ARHGEF10: variants seen among roughly 807,000 people sequenced by gnomAD.
The protein encoded by ARHGEF10 is Rho guanine nucleotide exchange factor (GEF) 10.
A neutral mutation model predicts 147.4 loss-of-function variants in ARHGEF10; 140 were observed. The observed-to-expected ratio is 0.95, with a 90% CI of 0.83 to 1.09. The LOEUF (loss-of-function observed/expected upper bound fraction) is 1.09, where lower values mean the gene tolerates loss of function less well. Ranked by LOEUF, ARHGEF10 falls within the 50% of genes least tolerant of loss-of-function variation. ARHGEF10 has a pLI of 0.00. For synonymous variants in ARHGEF10, 902 were observed against 695.8 expected, an observed-to-expected ratio of 1.30 and a Z score of -4.67; for missense variants, 2,222 against 1,752.7, an observed-to-expected ratio of 1.27 and a Z score of -4.78.
chr8:1,955,022 GGT>G (rs1563338663), intron 28 of ARHGEF10, among the ~76,000 whole-genome samples: 12 of 142,254 alleles, frequency 8.4e-5, no homozygotes, highest in Non-Finnish European at 1.5e-4. Flanking sequence ...CCTGAAAGGA[GGT>G]GCACTCTCAC....
chr8:1,850,134 CTGAGGAGGGTGTGGGG>C (rs1804966885), intron 2 of ARHGEF10, among the ~76,000 whole-genome samples: 1 of 136,696 alleles, frequency 7.3e-6, no homozygotes, highest in African/African-American at 2.7e-5. Context: ...AGGGCAAATG[CTGAGGAGGGTGTGGGG>C]CGGCCACGTG....
chr8:1,864,437 G>C lies in ARHGEF10; in HGVS notation c.545+1G>C. ...TGAGTTCCGAGGAGCCTCCAACCAG[G>C]TATCTGCATCCGTCTTCCCACACCT... On this transcript the variant is annotated splice_donor_variant, in intron 5 of 28. Transcript: ENST00000349830. LOFTEE classifies it high-confidence loss of function. The C allele has an allele frequency of 6.2e-7, 1 of 1,613,740 alleles. No homozygotes were observed. Among genetic ancestry groups the C allele is most frequent in the Non-Finnish European group, 8.5e-7 (1 of 1,179,670 alleles).
chr8:1,916,972 TG>T (rs1447023220), intron 18 of ARHGEF10, among the ~76,000 whole-genome samples: 1 of 152,258 alleles, frequency 6.6e-6, no homozygotes, highest in Non-Finnish European at 1.5e-5. Context: ...TATTATAGGC[TG>T]ACCATTTTCT....
At chr8:1,824,810 CCCCCTGCACCCCACCTG>C (rs1802645175) in intron 1 of ARHGEF10, among the ~76,000 whole-genome samples, 1 of 26,816 alleles carries the variant, frequency 3.7e-5, no homozygotes, top group Non-Finnish European at 6.6e-5. Context: ...CCCACCTGTT[CCCCCTGCACCCCACCTG>C]TCTTCCCCAC....
chr8:1,875,693 G>C (rs780153602), intron 7 of ARHGEF10, among the ~76,000 whole-genome samples: 2 of 152,212 alleles, frequency 1.3e-5, no homozygotes, highest in Non-Finnish European at 2.9e-5. Flanking sequence ...TACAAGGATA[G>C]GGTAATTTGA....
intron 1 of ARHGEF10, among the ~76,000 whole-genome samples, chr8:1,838,735 G>T (rs2129045340): frequency 6.6e-6 from 1 of 152,192 alleles, no homozygotes; most frequent in East Asian, 1.9e-4. Flanking sequence ...CCACCGTGGG[G>T]ACTGTGCAGC....
At chr8:1,844,465 T>TCCCTGGGGCCTGGTGGACGACAGAGACAG (rs1329433075) in intron 2 of ARHGEF10, among the ~76,000 whole-genome samples, 5 of 151,356 alleles carry the variant, frequency 3.3e-5, no homozygotes, top group Non-Finnish European at 5.9e-5. Flanking sequence ...AATCCAGGGG[T>TCCCTGGGGCCTGGTGGACGACAGAGACAG]GAGCAGTGGC....
intron 8 of ARHGEF10, among the ~76,000 whole-genome samples, 169 bp downstream of exon 8, chr8:1,876,903 C>T (rs1008339124): frequency 6.6e-6 from 1 of 152,236 alleles, no homozygotes; most frequent in African/African-American, 2.4e-5. Flanking sequence ...TGTCTTGTTT[C>T]ATATAGTTAA....
chr8:1,911,233 G>A (rs1030710281), intron 18 of ARHGEF10, among the ~76,000 whole-genome samples: 3 of 152,132 alleles, frequency 2.0e-5, no homozygotes, highest in Middle Eastern at 3.2e-3. Flanking sequence ...TCCAGTTAAG[G>A]GGACTTTGAA....
intron 26 of ARHGEF10, among the ~76,000 whole-genome samples, chr8:1,938,830 A>C (rs1469208155): frequency 6.6e-6 from 1 of 152,066 alleles, no homozygotes; most frequent in African/African-American, 2.4e-5. Flanking sequence ...ATCCCCGAAC[A>C]CTGTGGAATC....
chr8:1,941,458 ATACC>A (rs1242813978), intron 26 of ARHGEF10, among the ~76,000 whole-genome samples: 1 of 152,268 alleles, frequency 6.6e-6, no homozygotes, highest in Non-Finnish European at 1.5e-5. Flanking sequence ...AAATTAAAGA[ATACC>A]TAAATAAATG....
chr8:1,905,728 A>G lies in ARHGEF10; in HGVS notation c.1967+12A>G. The G allele has an allele frequency of 6.2e-7, 1 of 1,612,838 alleles. No individual in the cohort carries two copies. The highest frequency in any genetic ancestry group is 8.5e-7 in the Non-Finnish European group (1 of 1,180,020). On this transcript the variant is annotated intron_variant, in intron 17 of 28. Transcript: ENST00000349830. ...ACCGTCAGCTCACGGTAAGTGCATA[A>G]ATTCTCTATAGTAGTCCTACCATCA... is the stretch of plus-strand genomic sequence containing the variant.
intron 7 of ARHGEF10, 27 bp from the exon 8 acceptor site, chr8:1,876,544 A>G (rs757636348): frequency 2.5e-6 from 4 of 1,611,946 alleles, no homozygotes; most frequent in Admixed American, 1.7e-5. Context: ...TAAAGTTTTA[A>G]TTTCATTTTG....
chr8:1,850,991 A>G (rs1400617271), intron 2 of ARHGEF10, among the ~76,000 whole-genome samples: 1 of 152,108 alleles, frequency 6.6e-6, no homozygotes, highest in African/African-American at 2.4e-5. Flanking sequence ...CATTCTAGAA[A>G]ACAAAATTAT....
At position 1,954,744 on chromosome 8, in the gene ARHGEF10, T is replaced by G. The variant is rs558690179; in HGVS notation, c.3520+1917T>G. 7.2e-5 allele frequency among the ~76,000 whole-genome samples: 11 copies of G among 152,370 alleles called. No individual in the cohort carries two copies. The South Asian group carries it at 2.3e-3, about 32-fold the overall frequency. ...TATTCCTTTGGTCCTCCTCTGTAGT[T>G]GTACCAATTTGTATCTTAAAGGGTA... On this transcript the variant is annotated intron_variant, in intron 28 of 28. Coordinates refer to ENST00000349830, the MANE Select transcript of ARHGEF10 (RefSeq NM_014629.4).
rs201394769 is a variant in ARHGEF10, at chr8:1,909,462, C to G, written c.2135C>G (p.Ala712Gly). ...GAGAGCCTGGCCGTGGTTGCTAACG[C>G]GAAACCAAGTAAGTGATGCTTTCTC... is the stretch of plus-strand genomic sequence containing the variant. Reference protein sequence around the residue: ...PPESLAVVANAKPNKVYMGPG... With the variant: ...PPESLAVVANGKPNKVYMGPG... The change falls in exon 18 of 29, where the codon GCG (alanine) becomes GGG (glycine). Residue 712 changes from alanine to glycine, a missense_variant. Ala to Gly is a moderately conservative substitution (Grantham distance 60). Coordinates refer to ENST00000349830, the MANE Select transcript of ARHGEF10 (RefSeq NM_014629.4). 1.2e-6 allele frequency: 2 copies of G among 1,614,002 alleles called. No individual in the cohort carries two copies. Among genetic ancestry groups the G allele is most frequent in the Admixed American group, 1.7e-5 (1 of 60,022 alleles).
intron 4 of ARHGEF10, among the ~76,000 whole-genome samples, chr8:1,863,797 C>T (rs949957191): frequency 2.6e-5 from 4 of 152,198 alleles, no homozygotes; most frequent in African/African-American, 9.6e-5. Context: ...CCCTGGAGAG[C>T]CACAGACAGG....
At chr8:1,874,579 G>A (rs1042415970) in intron 7 of ARHGEF10, among the ~76,000 whole-genome samples, 3 of 152,232 alleles carry the variant, frequency 2.0e-5, no homozygotes, top group Non-Finnish European at 4.4e-5. Flanking sequence ...AACCTCTGGA[G>A]GGACAGTCCA....
chr8:1,841,190 A>G (rs1408398474), intron 1 of ARHGEF10, among the ~76,000 whole-genome samples: 3 of 152,148 alleles, frequency 2.0e-5, no homozygotes, highest in Non-Finnish European at 4.4e-5. Flanking sequence ...TGGTTTCTCC[A>G]TTGAAAAATA....
Sources: gnomAD v4.1 joint callset for allele counts (sites outside exome capture counted in the v4.1 genomes callset) on GRCh38, gnomAD v4.1.1 for gene constraint, MANE v1.5 for transcripts, NCBI Gene and HGNC (gene_info 2026-07-23, HGNC 2026-07-21) for gene names.